Variants in COL4A4 observed in about 807,000 individuals in gnomAD.
COL4A4 encodes the protein collagen type IV alpha 4 chain, also known as collagen alpha-4(IV) chain.
COL4A4 carries 105 observed loss-of-function variants against 192.9 expected under a neutral mutation model. That is an observed-to-expected ratio of 0.54 (90% confidence interval 0.46 to 0.64). The LOEUF (loss-of-function observed/expected upper bound fraction) is 0.64, where lower values mean the gene tolerates loss of function less well. COL4A4 is among the 30% of genes least tolerant of loss of function. The pLI is 0.00. For missense variants in COL4A4, 1,967 were observed against 2,169.3 expected, an observed-to-expected ratio of 0.91 and a Z score of 1.85; for synonymous variants, 762 against 769.9, an observed-to-expected ratio of 0.99 and a Z score of 0.17.
chr2:227,032,149 TG>T lies in COL4A4; in HGVS notation c.3704del (p.Pro1235GlnfsTer53), dbSNP rs754706338. The T allele has an allele frequency of 2.5e-6, 4 of 1,614,166 alleles. No homozygotes were observed. The highest frequency in any genetic ancestry group is 3.4e-6 in the Non-Finnish European group (4 of 1,180,010). On this transcript the variant is annotated frameshift_variant and splice_region_variant, in exon 39 of 48. Coordinates refer to ENST00000396625, the MANE Select transcript of COL4A4 (RefSeq NM_000092.5). LOFTEE classifies it high-confidence loss of function. ...PRGKKGPPGP[P>X]GSSGPPGPAG... ...AGGGCAAAGCATGCTACAGCTTACC[TG>T]GGGGTCCTGGGGGACCTTTCTTTCC...
intron 3 of COL4A4, among the ~76,000 whole-genome samples, chr2:227,142,693 T>A (rs1485101201): frequency 1.3e-5 from 2 of 149,156 alleles, no homozygotes; most frequent in Admixed American, 1.4e-4. Flanking sequence ...GAGGCAGAGG[T>A]GGCAGTGAGC....
At chr2:227,107,295 G>A (rs1211391301) in intron 12 of COL4A4, among the ~76,000 whole-genome samples, 2 of 152,180 alleles carry the variant, frequency 1.3e-5, no homozygotes, top group Non-Finnish European at 2.9e-5. Context: ...ATCTAGTGGG[G>A]AGAGGCCAGG....
the COL4A4 span, among the ~76,000 whole-genome samples, chr2:226,970,856 G>A: frequency 1.3e-5 from 2 of 152,198 alleles, no homozygotes; most frequent in South Asian, 2.1e-4. Context: ...GAGGGATATC[G>A]TGCCCATCAT....
chr2:227,122,628 C>T lies in COL4A4; in HGVS notation c.193-1480G>A, dbSNP rs138701083. Reference sequence around the variant, plus strand: ...TCTGGCAACCCAATGTTGTGCAGTCCCATCAAGGAAATACTTCATGGGCAA... The same window carrying T: ...TCTGGCAACCCAATGTTGTGCAGTCTCATCAAGGAAATACTTCATGGGCAA... On this transcript the variant is annotated intron_variant, in intron 4 of 47. Transcript: ENST00000396625. 4.6e-3 allele frequency among the ~76,000 whole-genome samples: 708 copies of T among 152,276 alleles called. 17 individuals carry two copies. The highest frequency in any genetic ancestry group is 0.038 in the Admixed American group (588 of 15,298).
At chr2:227,060,335 C>T (rs1325246832) in intron 26 of COL4A4, 92 bp from the exon 27 acceptor site, 3 of 881,480 alleles carry the variant, frequency 3.4e-6, no homozygotes, top group Non-Finnish European at 5.5e-6. Flanking sequence ...ATGTTAAGTC[C>T]TTTTAGAATA....
intron 35 of COL4A4, 31 bp from the exon 36 acceptor site, chr2:227,043,215 G>A (rs576519598): frequency 1.3e-6 from 2 of 1,558,216 alleles, no homozygotes; most frequent in South Asian, 1.1e-5. Context: ...CATCAGAGTT[G>A]CCGTTTGAGA....
chr2:227,108,809 T>G (rs1226328974), intron 11 of COL4A4, 24 bp downstream of exon 11: 2 of 1,609,850 alleles, frequency 1.2e-6, no homozygotes, highest in South Asian at 1.1e-5. Flanking sequence ...GCTCTATTGA[T>G]GTATCTTGCT....
At chr2:226,982,976 A>G in the COL4A4 span, among the ~76,000 whole-genome samples, 2 of 152,172 alleles carry the variant, frequency 1.3e-5, no homozygotes, top group Non-Finnish European at 2.9e-5. Context: ...TACATCATCC[A>G]AGGTTGAGCA....
intron 4 of COL4A4, among the ~76,000 whole-genome samples, chr2:227,135,122 C>T (rs1193339099): frequency 6.6e-6 from 1 of 152,160 alleles, no homozygotes; most frequent in East Asian, 1.9e-4. Flanking sequence ...TAGTGAGGTT[C>T]ATGGAAATGT....
chr2:227,104,789 C>T (rs1197338084), intron 12 of COL4A4, among the ~76,000 whole-genome samples: 3 of 150,708 alleles, frequency 2.0e-5, no homozygotes, highest in South Asian at 2.1e-4. Flanking sequence ...TACAGGCATG[C>T]GCCACCATGC....
chr2:226,983,356 C>T, the COL4A4 span, among the ~76,000 whole-genome samples: 11 of 152,194 alleles, frequency 7.2e-5, no homozygotes, highest in African/African-American at 2.2e-4. Context: ...GAATGTGGCA[C>T]GGAAGTATTG....
chr2:226,988,451 A>T, the COL4A4 span: 1 of 1,549,436 alleles, frequency 6.5e-7, no homozygotes, highest in Non-Finnish European at 8.7e-7. Flanking sequence ...GACCTAAGGA[A>T]TCCTTTGAGG....
rs755884665 is a variant in COL4A4, at chr2:227,031,992, G to A, written c.3770C>T (p.Pro1257Leu). ...AGGTCCCTGATCTCCAGGTGGACCC[G>A]GGTCAGGAATGTCCTTAGGAGCTCT... is the stretch of plus-strand genomic sequence containing the variant. ...TGRAPKDIPD[P>L]GPPGDQGPPG... The change falls in exon 40 of 48, where the codon CCG becomes CTG. Residue 1257 changes from proline (P) to leucine (L), a missense_variant. By Grantham distance (98) the Pro-to-Leu change is moderately conservative. Transcript: ENST00000396625. 17 of 1,613,810 alleles carry A rather than the reference G, an allele frequency of 1.1e-5. No homozygotes were observed. The highest frequency in any genetic ancestry group is 6.7e-5 in the East Asian group (3 of 44,884).
chr2:227,145,054 A>C (rs1189185639), intron 2 of COL4A4, among the ~76,000 whole-genome samples: 1 of 152,132 alleles, frequency 6.6e-6, no homozygotes, highest in Non-Finnish European at 1.5e-5. Flanking sequence ...ATTTAGGGAA[A>C]AGTTATGTAG....
chr2:227,127,576 G>A (rs930881564), intron 4 of COL4A4, among the ~76,000 whole-genome samples: 5 of 152,168 alleles, frequency 3.3e-5, no homozygotes, highest in African/African-American at 1.2e-4. Flanking sequence ...TAACAACTTA[G>A]TAAAAGAGAC....
At chr2:227,080,841 C>T (rs777795240) in intron 23 of COL4A4, among the ~76,000 whole-genome samples, 1 of 152,230 alleles carries the variant, frequency 6.6e-6, no homozygotes, top group African/African-American at 2.4e-5. Flanking sequence ...GCACAGCACT[C>T]TATCCCTGGC....
In COL4A4 at chr2:227,088,781, T is replaced by A. The variant is rs2059738339; in HGVS notation, c.1495A>T (p.Met499Leu). Residue 499 changes from methionine (M) to leucine (L), a missense_variant, in exon 22 of 48, where the codon ATG becomes TTG. Coordinates refer to ENST00000396625, the MANE Select transcript of COL4A4 (RefSeq NM_000092.5). The part of the protein sequence containing the change: ...EGLCACEPGP[M>L]GPPGPPGLPG... Reference sequence around the variant, plus strand: ...AGTCCTGGAGGGCCAGGGGGGCCCATGGGTCCAGGCTCACAGGCACAGAGT... The same window carrying A: ...AGTCCTGGAGGGCCAGGGGGGCCCAAGGGTCCAGGCTCACAGGCACAGAGT... 1 of 1,614,108 alleles carries A rather than the reference T, an allele frequency of 6.2e-7. No homozygotes were observed. Among genetic ancestry groups the A allele is most frequent in the Non-Finnish European group, 8.5e-7 (1 of 1,180,010 alleles).
At chr2:227,057,077 T>C (rs1199049661) in intron 29 of COL4A4, among the ~76,000 whole-genome samples, 1 of 152,172 alleles carries the variant, frequency 6.6e-6, no homozygotes, top group Non-Finnish European at 1.5e-5. Flanking sequence ...GCTCTTTACC[T>C]GGGAAACTTC....
rs1426359976 is a variant in COL4A4, at chr2:227,061,608, G to GAA, written c.2056+921_2056+922insTT. Among the ~76,000 whole-genome samples the GAA allele has an allele frequency of 1.3e-5, 2 of 152,206 alleles. 1 individual carries two copies. The highest frequency in any genetic ancestry group is 3.8e-4 in the East Asian group (2 of 5,206). On this transcript the variant is annotated intron_variant, in intron 26 of 47. Coordinates refer to ENST00000396625, the MANE Select transcript of COL4A4 (RefSeq NM_000092.5). ...GTTTGCTGTAGCCCACTGAGATTTT[G>GAA]AGATTATTTACACATTATTGTCATA...
Sources: gnomAD v4.1 joint callset for allele counts (sites outside exome capture counted in the v4.1 genomes callset) on GRCh38, gnomAD v4.1.1 for gene constraint, MANE v1.5 for transcripts, NCBI Gene and HGNC (gene_info 2026-07-23, HGNC 2026-07-21) for gene names.